The following METTL22 variants were observed in gnomAD, a reference collection of about 807,000 sequenced individuals.
The protein encoded by METTL22 is methyltransferase-like protein 22.
In METTL22, 51 loss-of-function variants were observed where a neutral mutation model predicts 48.4. That is an observed-to-expected ratio of 1.05 (90% CI 0.84 to 1.33). The LOEUF is 1.33. METTL22 is among the 40% of genes most tolerant of loss of function. METTL22 has a pLI of 0.00. For missense variants in METTL22, 678 were observed against 526.9 expected (o/e 1.29, Z -2.81); for synonymous variants, 255 against 214.1 (o/e 1.19, Z -1.67).
rs2056810005 is a variant in METTL22, at chr16:8,646,770, T to C, written c.*627T>C. ...GCCACTCTTTGGGGTCATGTGCAGC[T>C]GACCAGGGTTTGTGCAGTGATCTTC... On this transcript the variant is annotated 3_prime_UTR_variant, in exon 11 of 11. Transcript: ENST00000381920. 4.6e-6 allele frequency: 2 copies of C among 433,400 alleles called. No homozygotes were observed. Among genetic ancestry groups the C allele is most frequent in the Non-Finnish European group, 9.4e-6 (2 of 213,130 alleles). The allele number at this position is 433,400 out of a possible 1,614,324, so 26.8% of individuals were successfully genotyped here.
At chr16:8,664,370 T>A in the METTL22 span, among the ~76,000 whole-genome samples, 2 of 152,182 alleles carry the variant, frequency 1.3e-5, no homozygotes, top group Non-Finnish European at 2.9e-5. Context: ...GGTCTCGAAC[T>A]CCTGACCTCA....
intron 6 of METTL22, among the ~76,000 whole-genome samples, 181 bp from the exon 7 acceptor site, chr16:8,640,950 G>GGA (rs1567241369): frequency 3.0e-5 from 1 of 33,346 alleles, no homozygotes; most frequent in Admixed American, 3.6e-4. Flanking sequence ...GGATGGGTGG[G>GGA]TGGATGGCTG....
the METTL22 span, among the ~76,000 whole-genome samples, chr16:8,659,306 G>C: frequency 6.6e-6 from 1 of 151,516 alleles, no homozygotes; most frequent in Non-Finnish European, 1.5e-5. Flanking sequence ...ACTCTAGCCT[G>C]GGCAACAGAA....
Position 8,639,489 on chromosome 16 carries a change from C to G in METTL22, c.772+327C>G, listed in dbSNP as rs190998951. ...TCATGAAACATCCAGAGTGCCCTTT[C>G]TCAGATGCAAGCCAGTCCACTTCAC... On this transcript the variant is annotated intron_variant, in intron 6 of 10. Coordinates refer to ENST00000381920, the MANE Select transcript of METTL22 (RefSeq NM_024109.4). The G allele has an allele frequency of 8.6e-4, 309 of 357,792 alleles. 4 individuals carry two copies. The Admixed American group carries it at 0.01, about 12-fold the overall frequency. 22.2% of individuals were successfully genotyped at this position (357,792 alleles called of 1,614,324 possible). A position where few individuals can be genotyped will look rare whatever the true frequency, so the allele number is the denominator to read the frequency against.
chr16:8,662,314 A>G, the METTL22 span, among the ~76,000 whole-genome samples: 2 of 145,586 alleles, frequency 1.4e-5, 1 homozygote, highest in African/African-American at 5.1e-5. Context: ...TTGGAAACCC[A>G]GAGCTCTTTC....
rs1614616 is a variant in METTL22 at position 8,642,171 on chromosome 16, T to G, written c.871T>G (p.Leu291Val). The G allele has an allele frequency of 4.3e-6, 7 of 1,613,750 alleles. No individual in the cohort carries two copies. The East Asian group carries it at 1.3e-4, about 31-fold the overall frequency. The stretch of plus-strand genomic sequence containing the variant: ...TTGGTCACAAGAGGAAATTTCTGAC[T>G]TGTACGATCACACCACCATCCTGTT... Reference protein sequence around the residue: ...FSWSQEEISDLYDHTTILFAA... With the variant: ...FSWSQEEISDVYDHTTILFAA... The change falls in exon 8 of 11, where the codon TTG becomes GTG. Residue 291 changes from leucine to valine, a missense_variant. Transcript: ENST00000381920.
the METTL22 span, among the ~76,000 whole-genome samples, chr16:8,665,958 G>T: frequency 1.3e-5 from 2 of 152,332 alleles, no homozygotes; most frequent in East Asian, 3.9e-4. Flanking sequence ...TTACAGAAGT[G>T]AGCACAGACT....
At chr16:8,625,833 ATTTTG>A in intron 2 of METTL22, 35 bp downstream of exon 2, 1 of 1,609,598 alleles carries the variant, frequency 6.2e-7, no homozygotes, top group Non-Finnish European at 8.5e-7. Context: ...TGCGGATCCT[ATTTTG>A]TTTTCTGCTT....
intron 5 of METTL22, among the ~76,000 whole-genome samples, chr16:8,638,776 A>C (rs904930443): frequency 2.6e-5 from 4 of 152,194 alleles, no homozygotes; most frequent in African/African-American, 9.7e-5. Flanking sequence ...CTGTGTGGCC[A>C]TAAACATGAA....
Position 8,646,261 on chromosome 16 carries a change from C to T in METTL22, c.*118C>T, listed in dbSNP as rs901169394. ...TTGTCATTTTAAAAATATGGTTACA[C>T]GTACCTTAGATGACCCAAGATGGTT... On this transcript the variant is annotated 3_prime_UTR_variant, in exon 11 of 11. Transcript: ENST00000381920. 18 of 1,301,634 alleles carry T rather than the reference C, an allele frequency of 1.4e-5. No homozygotes were observed. Among genetic ancestry groups the T allele is most frequent in the East Asian group, 7.3e-5 (3 of 40,952 alleles). The allele number at this position is 1,301,634 out of a possible 1,614,324, so 80.6% of individuals were successfully genotyped here.
rs886988137 is a variant in METTL22 at position 8,647,811 on chromosome 16, A to G, written c.*1668A>G. The stretch of plus-strand genomic sequence containing the variant: ...TGCATGTACGTTATTATAAATCTTC[A>G]AAGAACCTAAAAGGCAGAAGTGATC... On this transcript the variant is annotated 3_prime_UTR_variant, in exon 11 of 11. Coordinates refer to ENST00000381920, the MANE Select transcript of METTL22 (RefSeq NM_024109.4). 6.6e-6 allele frequency: 1 copy of G among 152,258 alleles called. No homozygotes were observed. Among genetic ancestry groups the G allele is most frequent in the Non-Finnish European group, 1.5e-5 (1 of 68,052 alleles). 9.4% of individuals were successfully genotyped at this position (152,258 alleles called of 1,614,324 possible). A position where few individuals can be genotyped will look rare whatever the true frequency, so the allele number is the denominator to read the frequency against.
intron 10 of METTL22, 114 bp from the exon 11 acceptor site, chr16:8,645,994 C>T (rs2056783073): frequency 1.3e-6 from 2 of 1,521,008 alleles, no homozygotes; most frequent in Non-Finnish European, 1.8e-6. Context: ...CTCGCCTGCT[C>T]CGTGGCTGAC....
chr16:8,644,691 C>T lies in METTL22; in HGVS notation c.1145C>T (p.Pro382Leu), dbSNP rs776979409. Residue 382 changes from proline to leucine, a missense_variant, in exon 10 of 11, where the codon CCA becomes CTA. Pro to Leu is a moderately conservative substitution (Grantham distance 98). Coordinates refer to ENST00000381920, the MANE Select transcript of METTL22 (RefSeq NM_024109.4). The stretch of plus-strand genomic sequence containing the variant: ...GTGGAGCCCGTGGAGGCCTCCTTCC[C>T]ACAGCTCCTGGTTTACGAGCGCCTC... Reference protein sequence around the residue: ...FVVEPVEASFPQLLVYERLQQ... With the variant: ...FVVEPVEASFLQLLVYERLQQ... 6.2e-7 allele frequency: 1 copy of T among 1,603,230 alleles called. No individual in the cohort carries two copies. Among genetic ancestry groups the T allele is most frequent in the Non-Finnish European group, 8.5e-7 (1 of 1,174,650 alleles).
At chr16:8,660,683 C>A in the METTL22 span, among the ~76,000 whole-genome samples, 3 of 151,334 alleles carry the variant, frequency 2.0e-5, no homozygotes, top group African/African-American at 7.3e-5. Context: ...TTGGTAAGTA[C>A]TAGAAAGAAC....
chr16:8,631,858 A>T (rs149014758), intron 3 of METTL22: 2 of 152,300 alleles, frequency 1.3e-5, no homozygotes, highest in East Asian at 3.9e-4. Flanking sequence ...GAGCCCCAAG[A>T]TGGCCCTGGG....
At chr16:8,623,808 T>A (rs2055945535) in intron 1 of METTL22, 1 of 152,176 alleles carries the variant, frequency 6.6e-6, no homozygotes, top group Non-Finnish European at 1.5e-5. Flanking sequence ...AGCAGTGTAC[T>A]GGGATCATTA....
chr16:8,630,407 G>A (rs562214740), intron 3 of METTL22, among the ~76,000 whole-genome samples: 2 of 152,260 alleles, frequency 1.3e-5, no homozygotes, highest in South Asian at 2.1e-4. Context: ...GAACTTGCTG[G>A]GGTCACACAG....
chr16:8,660,786 A>C, the METTL22 span, among the ~76,000 whole-genome samples: 3 of 66,180 alleles, frequency 4.5e-5, no homozygotes, highest in Non-Finnish European at 7.9e-5. Flanking sequence ...GTCTTGGAGG[A>C]GGAGGAGGAG....
intron 5 of METTL22, among the ~76,000 whole-genome samples, chr16:8,636,078 A>G (rs1377402644): frequency 1.3e-5 from 2 of 152,128 alleles, no homozygotes; most frequent in Non-Finnish European, 1.5e-5. Flanking sequence ...AATAGTGAAC[A>G]TTGTACCCAA....
Sources: allele counts gnomAD v4.1 joint callset (sites outside exome capture counted in the v4.1 genomes callset), GRCh38; gene constraint gnomAD v4.1.1; transcripts MANE v1.5; gene names NCBI Gene and HGNC (gene_info 2026-07-23, HGNC 2026-07-21).